The following CCDC71 variants were observed in gnomAD, a reference collection of about 807,000 sequenced individuals.
CCDC71 encodes the protein coiled-coil domain-containing protein 71.
For missense variants in CCDC71, 594 were observed against 604.0 expected, an observed-to-expected ratio of 0.98 and a Z score of 0.17; for synonymous variants, 257 against 242.2, an observed-to-expected ratio of 1.06 and a Z score of -0.57.
rs762298038 is a variant in CCDC71 at position 49,162,863 on chromosome 3, C to T, written c.1346G>A (p.Arg449His). The T allele has an allele frequency of 3.4e-5, 55 of 1,613,944 alleles. No homozygotes were observed. Among genetic ancestry groups the T allele is most frequent in the East Asian group, 4.5e-5 (2 of 44,896 alleles). ...CCGTATTACAGGTGACAGGTTCACG[C>T]GGAGGATCCGCTGAGCCCGCTGCCG... ...EVRQRAQRIL[R>H]VNLSPVIRLQ... Residue 449 changes from arginine (R) to histidine (H), a missense_variant, in exon 2 of 2, where the codon CGC becomes CAC. Arg to His is a conservative substitution (Grantham distance 29, BLOSUM62 0). Transcript: ENST00000321895.
chr3:49,166,278 C>A lies in CCDC71; in HGVS notation c.-64G>T, dbSNP rs958017827. 2.0e-5 allele frequency: 3 copies of A among 152,086 alleles called. No homozygotes were observed. Among genetic ancestry groups the A allele is most frequent in the African/African-American group, 7.2e-5 (3 of 41,434 alleles). The allele number at this position is 152,086 out of a possible 1,614,324, so 9.4% of individuals were successfully genotyped here. On this transcript the variant is annotated 5_prime_UTR_variant, in exon 1 of 2. Coordinates refer to ENST00000321895, the MANE Select transcript of CCDC71 (RefSeq NM_022903.4). The surrounding 1 kb of genome is among the most constrained non-coding windows in gnomAD (Gnocchi z 4.0). ...CGGCTCCAACCTACCGGCGCCGCCG[C>A]GGGGACCCAAGACGCGCCTCTGCGC...
At position 49,163,297 on chromosome 3, in the gene CCDC71, G is replaced by A; in HGVS notation, c.912C>T (p.Ala304=). The A allele has an allele frequency of 1.2e-6, 2 of 1,613,868 alleles. No individual in the cohort carries two copies. The highest frequency in any genetic ancestry group is 1.1e-5 in the South Asian group (1 of 91,072). The change falls in exon 2 of 2, where the codon GCC becomes GCT. Residue 304 remains alanine, a synonymous_variant. Transcript: ENST00000321895. ...CCTTGGCCCGGGCCTTAGCAGCCTTGGCCTGTGTTCGAGCCACCTTGGCTT... is the reference window on the plus strand; with the variant it reads ...CCTTGGCCCGGGCCTTAGCAGCCTTAGCCTGTGTTCGAGCCACCTTGGCTT... ...RAQAKVARTQ[A]KAAKARAKAK...
At position 49,163,778 on chromosome 3, in the gene CCDC71, C is replaced by T. The variant is rs1398884317; in HGVS notation, c.431G>A (p.Ser144Asn). 6.2e-7 allele frequency: 1 copy of T among 1,613,986 alleles called. No individual in the cohort carries two copies. Among genetic ancestry groups the T allele is most frequent in the Non-Finnish European group, 8.5e-7 (1 of 1,180,026 alleles). ...GCTGGCACTTGATTGCTTCAGAGAGCTCAGCAGCAGGTTGGTGGTAGCATG... is the reference window on the plus strand; with the variant it reads ...GCTGGCACTTGATTGCTTCAGAGAGTTCAGCAGCAGGTTGGTGGTAGCATG... ...AKHATTNLLL[S>N]SLKQSSASHA... Residue 144 changes from serine (S) to asparagine (N), a missense_variant, in exon 2 of 2, where the codon AGC becomes AAC. Physicochemically the swap from Ser to Asn is conservative, Grantham distance 46 (BLOSUM62 1). Transcript: ENST00000321895.
chr3:49,163,201 C>T lies in CCDC71; in HGVS notation c.1008G>A (p.Met336Ile), dbSNP rs1174493183. ...AAQVKAKAKV[M>I]AAWAKAKAKA... ...TAGCCTTGGCCTTGGCCCATGCTGC[C>T]ATGACTTTGGCCTTGGCCTTGACCT... The change falls in exon 2 of 2, where the codon ATG (methionine) becomes ATA (isoleucine). Residue 336 changes from methionine to isoleucine, a missense_variant. Coordinates refer to ENST00000321895, the MANE Select transcript of CCDC71 (RefSeq NM_022903.4). 3.8e-6 allele frequency: 6 copies of T among 1,572,722 alleles called. No homozygotes were observed. Among genetic ancestry groups the T allele is most frequent in the Non-Finnish European group, 5.2e-6 (6 of 1,150,066 alleles).
chr3:49,163,577 T>G lies in CCDC71; in HGVS notation c.632A>C (p.Lys211Thr). 1 of 1,614,172 alleles carries G rather than the reference T, an allele frequency of 6.2e-7. No homozygotes were observed. Among genetic ancestry groups the G allele is most frequent in the Non-Finnish European group, 8.5e-7 (1 of 1,180,026 alleles). Reference sequence around the variant, plus strand: ...ACCCTTCCCTGAACTTTTCCGCAGTTTCAGAGGAGAGTCTGCAAGTGAGAG... The same window carrying G: ...ACCCTTCCCTGAACTTTTCCGCAGTGTCAGAGGAGAGTCTGCAAGTGAGAG... ...LQLSLADSPL[K>T]LRKSSGKGPG... The change falls in exon 2 of 2, where the codon AAA becomes ACA. Residue 211 changes from lysine to threonine, a missense_variant. Transcript: ENST00000321895.
intron 1 of CCDC71, among the ~76,000 whole-genome samples, chr3:49,165,204 A>G (rs1033493911): frequency 2.6e-5 from 4 of 152,206 alleles, no homozygotes; most frequent in Non-Finnish European, 5.9e-5. Flanking sequence ...CCAAGATCCC[A>G]AAGTTTAAGG....
rs1389953811 is a variant in CCDC71, at chr3:49,163,885, C to T, written c.324G>A (p.Arg108=). 6.2e-7 allele frequency: 1 copy of T among 1,614,186 alleles called. No homozygotes were observed. Among genetic ancestry groups the T allele is most frequent in the Non-Finnish European group, 8.5e-7 (1 of 1,180,040 alleles). The change falls in exon 2 of 2, where the codon CGG becomes CGA. Residue 108 remains arginine, a synonymous_variant. Coordinates refer to ENST00000321895, the MANE Select transcript of CCDC71 (RefSeq NM_022903.4). ...GCAGTGTGGCCCGACCTGCAGGCAA[C>T]CGCATGGCAGTTCGGGGAGCACTGG... is the stretch of plus-strand genomic sequence containing the variant. ...PPASAPRTAM[R]LPAGRATLLP...
chr3:49,164,656 TA>T (rs1226390655), intron 1 of CCDC71, among the ~76,000 whole-genome samples: 1 of 152,194 alleles, frequency 6.6e-6, no homozygotes, highest in East Asian at 1.9e-4. Flanking sequence ...AAGACACTGT[TA>T]AGATTCTTGG....
rs1451756922 is a variant in CCDC71, at chr3:49,166,085, C to T, written c.-53+182G>A. 6.6e-6 allele frequency among the ~76,000 whole-genome samples: 1 copy of T among 151,568 alleles called. No homozygotes were observed. Among genetic ancestry groups the T allele is most frequent in the African/African-American group, 2.4e-5 (1 of 41,310 alleles). ...AAATGTACAGGGTGAACGGTGCTAG[C>T]CCTACCGGGACCGCACAGCCCCAGG... On this transcript the variant is annotated intron_variant, in intron 1 of 1. Coordinates refer to ENST00000321895, the MANE Select transcript of CCDC71 (RefSeq NM_022903.4). The surrounding 1 kb of genome is among the most constrained non-coding windows in gnomAD (Gnocchi z 4.0).
chr3:49,163,119 C>T lies in CCDC71; in HGVS notation c.1090G>A (p.Gly364Ser), dbSNP rs1006755825. 6.2e-7 allele frequency: 1 copy of T among 1,614,244 alleles called. No homozygotes were observed. The highest frequency in any genetic ancestry group is 8.5e-7 in the Non-Finnish European group (1 of 1,180,054). Residue 364 changes from glycine to serine, a missense_variant, in exon 2 of 2, where the codon GGC becomes AGC. Coordinates refer to ENST00000321895, the MANE Select transcript of CCDC71 (RefSeq NM_022903.4). The stretch of plus-strand genomic sequence containing the variant: ...GCCTTAGCAGATCCCTTTGGCCTGC[C>T]TCTGCCCCTGGGCTGGGTCCGAGCC... Reference protein sequence around the residue: ...KVARTQPRGRGRPKGSAKART... With the variant: ...KVARTQPRGRSRPKGSAKART...
chr3:49,164,358 G>T, intron 1 of CCDC71, 98 bp from the exon 2 acceptor site: 1 of 717,576 alleles, frequency 1.4e-6, no homozygotes. Context: ...CCATGACACT[G>T]AGGAATCTGG....
intron 1 of CCDC71, among the ~76,000 whole-genome samples, chr3:49,164,708 G>C (rs2045712858): frequency 6.6e-6 from 1 of 152,206 alleles, no homozygotes; most frequent in South Asian, 2.1e-4. Context: ...CAATGGGTCA[G>C]GAAAGGATTC....
At chr3:49,164,964 T>C (rs2045714686) in intron 1 of CCDC71, among the ~76,000 whole-genome samples, 1 of 152,220 alleles carries the variant, frequency 6.6e-6, no homozygotes, top group African/African-American at 2.4e-5. Flanking sequence ...CTCCAGCTGC[T>C]GCTGTTCATG....
rs1270568587 is a variant in CCDC71, at chr3:49,162,902, G to A, written c.1307C>T (p.Ser436Leu). The A allele has an allele frequency of 3.1e-6, 5 of 1,614,238 alleles. No individual in the cohort carries two copies. The highest frequency in any genetic ancestry group is 2.5e-6 in the Non-Finnish European group (3 of 1,180,052). ...FRAIKVDRRS[S>L]DDEVRQRAQR... ...AGCCCGCTGCCGCACCTCATCATCC[G>A]AGGACCGCCTATCTACCTTTATGGC... The change falls in exon 2 of 2, where the codon TCG becomes TTG. Residue 436 changes from serine (S) to leucine (L), a missense_variant. Coordinates refer to ENST00000321895, the MANE Select transcript of CCDC71 (RefSeq NM_022903.4).
Position 49,163,848 on chromosome 3 carries a change from G to A in CCDC71, c.361C>T (p.Leu121=), listed in dbSNP as rs555015747. The A allele has an allele frequency of 9.9e-6, 16 of 1,614,082 alleles. No individual in the cohort carries two copies. Among genetic ancestry groups the A allele is most frequent in the Non-Finnish European group, 1.3e-5 (15 of 1,180,046 alleles). The change falls in exon 2 of 2, where the codon CTA becomes TTA. Residue 121 remains leucine, a synonymous_variant. Transcript: ENST00000321895. ...AGRATLLPMP[L]SGRLAKASTP... ...GATGCTTTGGCCAGTCTGCCAGATA[G>A]CGGCATGGGAAGCAGTGTGGCCCGA...
Position 49,164,363 on chromosome 3 carries a change from A to C in CCDC71, c.-52-103T>G, listed in dbSNP as rs145402973. The C allele has an allele frequency of 1.9e-3, 1,319 of 700,762 alleles. 10 individuals carry two copies. The African/African-American group carries it at 0.02, about 10-fold the overall frequency. 43.4% of individuals were successfully genotyped at this position (700,762 alleles called of 1,614,324 possible). ...GCCCCAATCTCCATGACACTGAGGA[A>C]TCTGGCCAGAGTGAGACACTTCCTG... On this transcript the variant is annotated intron_variant, in intron 1 of 1. Coordinates refer to ENST00000321895, the MANE Select transcript of CCDC71 (RefSeq NM_022903.4).
At position 49,163,167 on chromosome 3, in the gene CCDC71, C is replaced by A. The variant is rs200799744; in HGVS notation, c.1042G>T (p.Ala348Ser). The part of the protein sequence containing the change: ...AWAKAKAKAK[A>S]VRAKAKVART... ...GCCACCTTGGCCTTGGCCCGTACTG[C>A]CTTGGCTTTAGCCTTGGCCTTGGCC... is the stretch of plus-strand genomic sequence containing the variant. The change falls in exon 2 of 2, where the codon GCA becomes TCA. Residue 348 changes from alanine to serine, a missense_variant. Physicochemically the swap from Ala to Ser is moderately conservative, Grantham distance 99. Coordinates refer to ENST00000321895, the MANE Select transcript of CCDC71 (RefSeq NM_022903.4). 2 of 1,579,498 alleles carry A rather than the reference C, an allele frequency of 1.3e-6. No homozygotes were observed. Among genetic ancestry groups the A allele is most frequent in the East Asian group, 2.3e-5 (1 of 43,948 alleles).
In CCDC71 at chr3:49,163,551, G is replaced by T. The variant is rs147321067; in HGVS notation, c.658C>A (p.Pro220Thr). Residue 220 changes from proline (P) to threonine (T), a missense_variant, in exon 2 of 2, where the codon CCG becomes ACG. Pro to Thr is a conservative substitution (Grantham distance 38). Transcript: ENST00000321895. ...GGAGCTTTGGGCCGAGGGTTCCCCG[G>T]ACCCTTCCCTGAACTTTTCCGCAGT... is the stretch of plus-strand genomic sequence containing the variant. Reference protein sequence around the residue: ...LKLRKSSGKGPGNPRPKAPRK... With the variant: ...LKLRKSSGKGTGNPRPKAPRK... 1 of 1,614,236 alleles carries T rather than the reference G, an allele frequency of 6.2e-7. No homozygotes were observed. Among genetic ancestry groups the T allele is most frequent in the Middle Eastern group, 1.6e-4 (1 of 6,062 alleles).
In CCDC71 at chr3:49,164,133, C is replaced by A. The variant is rs1303631547; in HGVS notation, c.76G>T (p.Ala26Ser). 1 of 1,613,786 alleles carries A rather than the reference C, an allele frequency of 6.2e-7. No homozygotes were observed. The highest frequency in any genetic ancestry group is 8.5e-7 in the Non-Finnish European group (1 of 1,180,020). The change falls in exon 2 of 2, where the codon GCC becomes TCC. Residue 26 changes from alanine (A) to serine (S), a missense_variant. Coordinates refer to ENST00000321895, the MANE Select transcript of CCDC71 (RefSeq NM_022903.4). ...AAGACAAGCAGTGCCTCTTCCAGGGCCTTCTTCCCTGCCGTGGAGATGCGC... is the reference window on the plus strand; with the variant it reads ...AAGACAAGCAGTGCCTCTTCCAGGGACTTCTTCCCTGCCGTGGAGATGCGC... ...WSRISTAGKK[A>S]LEEALLVFNP...
Sources: gnomAD v4.1 joint callset for allele counts (sites outside exome capture counted in the v4.1 genomes callset) on GRCh38, gnomAD v4.1.1 for gene constraint, Gnocchi (gnomAD v3.1) non-coding constraint, MANE v1.5 for transcripts, NCBI Gene and HGNC (gene_info 2026-07-23, HGNC 2026-07-21) for gene names.